Variants in DDX60 observed in about 807,000 individuals in gnomAD.
DDX60 encodes the protein probable ATP-dependent RNA helicase DDX60.
Under a neutral mutation model 212.8 loss-of-function variants are expected in DDX60, and 165 were observed. The ratio of observed to expected loss-of-function variants is 0.78; its 90% confidence interval spans 0.68 to 0.88. The LOEUF (loss-of-function observed/expected upper bound fraction) is 0.88, where lower values mean the gene tolerates loss of function less well. DDX60 is among the 40% of genes least tolerant of loss of function. The pLI is 0.00. For synonymous variants in DDX60, 703 were observed against 685.3 expected (o/e 1.03, Z -0.40); for missense variants, 1,905 against 2,003.9 (o/e 0.95, Z 0.94).
chr4:168,275,489 A>C lies in DDX60; in HGVS notation c.2160T>G (p.Asp720Glu). ...ATTTATTCCTTTTCTTCACTTTTACATCATTTTCTGCATCCTGCATTATTT... is the reference window on the plus strand; with the variant it reads ...ATTTATTCCTTTTCTTCACTTTTACCTCATTTTCTGCATCCTGCATTATTT... ...SLHPAQDAEN[D>E]VKVKKRNKYS... The change falls in exon 16 of 38, where the codon GAT (aspartate) becomes GAG (glutamate). Residue 720 changes from aspartate to glutamate, a missense_variant. Coordinates refer to ENST00000393743, the MANE Select transcript of DDX60 (RefSeq NM_017631.6). The C allele has an allele frequency of 1.2e-6, 2 of 1,604,292 alleles. No homozygotes were observed. The highest frequency in any genetic ancestry group is 1.7e-6 in the Non-Finnish European group (2 of 1,175,684).
At position 168,269,804 on chromosome 4, in the gene DDX60, T is replaced by C. The variant is rs369778295; in HGVS notation, c.2671-835A>G. 5.3e-5 allele frequency among the ~76,000 whole-genome samples: 8 copies of C among 152,274 alleles called. No homozygotes were observed. In the East Asian group the frequency reaches 1.5e-3, roughly 29 times the overall value. On this transcript the variant is annotated intron_variant, in intron 19 of 37. Transcript: ENST00000393743. Reference sequence around the variant, plus strand: ...TACTATGGTCCAGAAAGAATGACCTTTTCTTTGTTCCTTGAACTCACCCTT... The same window carrying C: ...TACTATGGTCCAGAAAGAATGACCTCTTCTTTGTTCCTTGAACTCACCCTT...
At chr4:168,277,437 C>T (rs1735389527) in intron 14 of DDX60, among the ~76,000 whole-genome samples, 1 of 152,072 alleles carries the variant, frequency 6.6e-6, no homozygotes, top group Non-Finnish European at 1.5e-5. Context: ...TATATATTTG[C>T]CCTTGGGACC....
intron 30 of DDX60, among the ~76,000 whole-genome samples, chr4:168,243,849 C>T (rs981303268): frequency 5.3e-5 from 8 of 151,138 alleles, no homozygotes; most frequent in African/African-American, 1.9e-4. Context: ...AACATGGAAT[C>T]ACTCCAAATG....
At position 168,283,616 on chromosome 4, in the gene DDX60, A is replaced by G. The variant is rs750349104; in HGVS notation, c.1562-10T>C. On this transcript the variant is annotated splice_polypyrimidine_tract_variant and intron_variant, in intron 12 of 37. Transcript: ENST00000393743. ...GGGTCTCTAGATTTTTCTGAAAAAG[A>G]AAAGACTTAAAATGTAACTTTATTG... The G allele has an allele frequency of 3.2e-6, 5 of 1,582,722 alleles. No individual in the cohort carries two copies. In the African/African-American group the frequency reaches 5.4e-5, roughly 17 times the overall value.
intron 6 of DDX60, among the ~76,000 whole-genome samples, chr4:168,298,890 C>T (rs187281816): frequency 2.0e-5 from 3 of 151,860 alleles, no homozygotes; most frequent in East Asian, 3.9e-4. Flanking sequence ...TAGCCGGGCA[C>T]GGTGGCTCAT....
At chr4:168,265,868 AAGGG>A (rs1734824933) in intron 22 of DDX60, among the ~76,000 whole-genome samples, 4 of 145,834 alleles carry the variant, frequency 2.7e-5, no homozygotes, top group Admixed American at 6.9e-5. Context: ...AAGGGAAGGG[AAGGG>A]AAGGGAAGGG....
intron 36 of DDX60, among the ~76,000 whole-genome samples, chr4:168,221,430 G>C (rs948316939): frequency 1.3e-5 from 2 of 152,110 alleles, no homozygotes; most frequent in Non-Finnish European, 2.9e-5. Context: ...AAACAGGAGA[G>C]TAATAAATAC....
intron 5 of DDX60, among the ~76,000 whole-genome samples, chr4:168,305,647 A>G (rs1185637848): frequency 1.3e-5 from 2 of 149,232 alleles, no homozygotes; most frequent in African/African-American, 2.4e-5. Flanking sequence ...TATTATAGCT[A>G]TCATTTATTT....
chr4:168,300,660 T>A (rs1736610662), intron 6 of DDX60, among the ~76,000 whole-genome samples: 1 of 151,264 alleles, frequency 6.6e-6, no homozygotes. Flanking sequence ...TGAACGTAAT[T>A]AAAAACAACC....
intron 11 of DDX60, 96 bp downstream of exon 11, chr4:168,285,297 A>T (rs932435935): frequency 1.3e-5 from 10 of 756,866 alleles, no homozygotes; most frequent in Non-Finnish European, 2.2e-5. Flanking sequence ...TACTACATGT[A>T]ATGTACTCTA....
At chr4:168,274,393 T>A (rs1735238254) in intron 16 of DDX60, among the ~76,000 whole-genome samples, 1 of 152,190 alleles carries the variant, frequency 6.6e-6, no homozygotes, top group African/African-American at 2.4e-5. Flanking sequence ...AGACAATATG[T>A]ATATTACTGA....
At position 168,283,444 on chromosome 4, in the gene DDX60, A is replaced by G; in HGVS notation, c.1722+2T>C. The G allele has an allele frequency of 1.2e-6, 2 of 1,613,102 alleles. No individual in the cohort carries two copies. The highest frequency in any genetic ancestry group is 1.7e-6 in the Non-Finnish European group (2 of 1,179,508). Reference sequence around the variant, plus strand: ...TAATTGGATAGAATTTATAGAACCTACGTGTGCCTTTTTGCTCTTGGGCCC... The same window carrying G: ...TAATTGGATAGAATTTATAGAACCTGCGTGTGCCTTTTTGCTCTTGGGCCC... On this transcript the variant is annotated splice_donor_variant, in intron 13 of 37. Transcript: ENST00000393743. LOFTEE classifies it high-confidence loss of function.
chr4:168,229,667 C>T (rs1023595626), intron 33 of DDX60, among the ~76,000 whole-genome samples: 19 of 151,884 alleles, frequency 1.3e-4, no homozygotes, highest in Admixed American at 2.6e-4. Flanking sequence ...ATAAATTCAG[C>T]GCTATTGGGG....
intron 27 of DDX60, among the ~76,000 whole-genome samples, chr4:168,251,328 T>G (rs1410470788): frequency 6.6e-6 from 1 of 152,242 alleles, no homozygotes; most frequent in Non-Finnish European, 1.5e-5. Context: ...TTACTCCACT[T>G]CTGGGGCAGA....
chr4:168,218,506 C>G (rs1230625779), intron 37 of DDX60, among the ~76,000 whole-genome samples: 1 of 152,154 alleles, frequency 6.6e-6, no homozygotes, highest in Non-Finnish European at 1.5e-5. Flanking sequence ...ACCTGCATGA[C>G]TGTTACAGCC....
At chr4:168,278,705 T>G (rs145559296) in intron 14 of DDX60, among the ~76,000 whole-genome samples, 2 of 152,260 alleles carry the variant, frequency 1.3e-5, no homozygotes, top group Non-Finnish European at 2.9e-5. Flanking sequence ...GGTGTGTGCA[T>G]GCAGTCCCAG....
intron 6 of DDX60, among the ~76,000 whole-genome samples, chr4:168,300,091 A>G (rs1736581390): frequency 1.3e-5 from 2 of 152,218 alleles, no homozygotes; most frequent in South Asian, 4.1e-4. Context: ...GAAGTAATAA[A>G]CTATGACTAA....
intron 18 of DDX60, among the ~76,000 whole-genome samples, chr4:168,272,561 G>A (rs1328046816): frequency 1.3e-5 from 2 of 152,256 alleles, no homozygotes; most frequent in Non-Finnish European, 2.9e-5. Flanking sequence ...CAGGCCTGAT[G>A]GAGCCTCAGC....
chr4:168,296,771 A>T (rs1736360559), intron 6 of DDX60, among the ~76,000 whole-genome samples: 1 of 152,126 alleles, frequency 6.6e-6, no homozygotes, highest in Non-Finnish European at 1.5e-5. Context: ...ATTATCTCCA[A>T]AAGTAGTAAT....
Sources: gnomAD v4.1 joint callset for allele counts (sites outside exome capture counted in the v4.1 genomes callset) on GRCh38, gnomAD v4.1.1 for gene constraint, MANE v1.5 for transcripts, NCBI Gene and HGNC (gene_info 2026-07-23, HGNC 2026-07-21) for gene names.